Variants in GOLGA2 observed in about 807,000 individuals in gnomAD.
GOLGA2 encodes the protein golgin A2.
A neutral mutation model predicts 148.8 loss-of-function variants in GOLGA2; 49 were observed. That is an observed-to-expected ratio of 0.33 (90% CI 0.26 to 0.42). GOLGA2 has a LOEUF of 0.42. Ranked by LOEUF, GOLGA2 falls within the 10% of genes least tolerant of loss-of-function variation. The pLI is 1.00. For missense variants in GOLGA2, 1,178 were observed against 1,304.6 expected (o/e 0.90, Z 1.49); for synonymous variants, 501 against 511.8 (o/e 0.98, Z 0.28).
In GOLGA2 at chr9:128,260,589, G is replaced by C; in HGVS notation, c.1634C>G (p.Ala545Gly). ...CTCCAGGATTTGCCTGCGCGCCTCC[G>C]CCTGCTCCCCCCAGAGCTCGGCCGC... ...ERAAELWGEQ[A>G]EARRQILETM... The change falls in exon 18 of 27, where the codon GCG becomes GGG. Residue 545 changes from alanine (A) to glycine (G), a missense_variant. By Grantham distance (60) the Ala-to-Gly change is moderately conservative. Coordinates refer to ENST00000611957, the MANE Select transcript of GOLGA2 (RefSeq NM_001366244.2). The surrounding 1 kb of genome is among the most constrained non-coding windows in gnomAD (Gnocchi z 4.8). 3 of 1,611,470 alleles carry C rather than the reference G, an allele frequency of 1.9e-6. No individual in the cohort carries two copies. Among genetic ancestry groups the C allele is most frequent in the Non-Finnish European group, 2.5e-6 (3 of 1,179,942 alleles).
chr9:128,266,941 C>T lies in GOLGA2; in HGVS notation c.642+253G>A. 1 of 576,454 alleles carries T rather than the reference C, an allele frequency of 1.7e-6. No homozygotes were observed. The highest frequency in any genetic ancestry group is 3.1e-6 in the Non-Finnish European group (1 of 320,428). 35.7% of individuals were successfully genotyped at this position (576,454 alleles called of 1,614,324 possible). On this transcript the variant is annotated intron_variant, in intron 8 of 26. Coordinates refer to ENST00000611957, the MANE Select transcript of GOLGA2 (RefSeq NM_001366244.2). The surrounding 1 kb of genome is among the most constrained non-coding windows in gnomAD (Gnocchi z 4.2). ...AGGCTAGCGCTTCCCCAAGAGGCAA[C>T]AACCCCAGGGCGTGTGTGGCAAGGA...
rs981770539 is a variant in GOLGA2 at position 128,273,690 on chromosome 9, C to G, written c.207+160G>C. The stretch of plus-strand genomic sequence containing the variant: ...TGTGAAAAGAGAGGCCCAAAAAGCT[C>G]AAGCAATTTGCCCTAAATCACATCC... On this transcript the variant is annotated intron_variant, in intron 2 of 26. Coordinates refer to ENST00000611957, the MANE Select transcript of GOLGA2 (RefSeq NM_001366244.2). The G allele has an allele frequency of 8.2e-6, 7 of 858,204 alleles. No individual in the cohort carries two copies. In the African/African-American group the frequency reaches 1.2e-4, roughly 15 times the overall value. The allele number at this position is 858,204 out of a possible 1,614,324, so 53.2% of individuals were successfully genotyped here.
chr9:128,262,963 C>G, intron 13 of GOLGA2, 71 bp downstream of exon 13: 1 of 1,037,872 alleles, frequency 9.6e-7, no homozygotes, highest in Non-Finnish European at 1.5e-6. Flanking sequence ...CTTACCTGTA[C>G]CCCCCACCTC....
In GOLGA2 at chr9:128,266,454, G is replaced by T; in HGVS notation, c.643-129C>A. ...AAGTTCTCAGACCCAATGGGAACACGAACTGGTAAACTCTCCTCAGGCTCT... is the reference window on the plus strand; with the variant it reads ...AAGTTCTCAGACCCAATGGGAACACTAACTGGTAAACTCTCCTCAGGCTCT... On this transcript the variant is annotated intron_variant, in intron 8 of 26. Coordinates refer to ENST00000611957, the MANE Select transcript of GOLGA2 (RefSeq NM_001366244.2). This position sits in a 1 kb window ranked among gnomAD's most constrained non-coding sequence, Gnocchi z 4.2. 1 of 761,534 alleles carries T rather than the reference G, an allele frequency of 1.3e-6. No individual in the cohort carries two copies. Among genetic ancestry groups the T allele is most frequent in the South Asian group, 1.5e-5 (1 of 65,086 alleles). The allele number at this position is 761,534 out of a possible 1,614,324, so 47.2% of individuals were successfully genotyped here. A position where few individuals can be genotyped will look rare whatever the true frequency, so the allele number is the denominator to read the frequency against.
rs751828552 is a variant in GOLGA2 at position 128,261,514 on chromosome 9, C to T, written c.1272G>A (p.Ala424=). The T allele has an allele frequency of 5.0e-5, 80 of 1,611,834 alleles. No individual in the cohort carries two copies. In the Admixed American group the frequency reaches 7.5e-4, roughly 15 times the overall value. The change falls in exon 16 of 27, where the codon GCG becomes GCA. Residue 424 remains alanine (A), a synonymous_variant. Transcript: ENST00000611957. This position sits in a 1 kb window ranked among gnomAD's most constrained non-coding sequence, Gnocchi z 5.7. ...RQLQMERDKY[A]ENLKGESAMW... ...TGGCGCTCTCTCCTTTGAGATTCTCCGCATATTTATCTCTCTCCATTTGTA... is the reference window on the plus strand; with the variant it reads ...TGGCGCTCTCTCCTTTGAGATTCTCTGCATATTTATCTCTCTCCATTTGTA...
chr9:128,273,198 A>G (rs1240897612), intron 2 of GOLGA2, among the ~76,000 whole-genome samples: 1 of 152,018 alleles, frequency 6.6e-6, no homozygotes, highest in Non-Finnish European at 1.5e-5. Flanking sequence ...ACAAACCTCC[A>G]CCTCCATTTT....
At chr9:128,275,800 T>A (rs1435401046) in intron 1 of GOLGA2, 93 bp downstream of exon 1, 4 of 688,640 alleles carry the variant, frequency 5.8e-6, no homozygotes, top group Non-Finnish European at 9.6e-6. Flanking sequence ...CCCAGCCCGG[T>A]GTGCCTCAGG....
chr9:128,266,266 C>A lies in GOLGA2; in HGVS notation c.681+21G>T. ...CCAAACCCAGCAGTCATGTTGTGAG[C>A]AAACAAAGAAATCACGTTACTTCTT... is the stretch of plus-strand genomic sequence containing the variant. On this transcript the variant is annotated intron_variant, in intron 9 of 26. Coordinates refer to ENST00000611957, the MANE Select transcript of GOLGA2 (RefSeq NM_001366244.2). This position sits in a 1 kb window ranked among gnomAD's most constrained non-coding sequence, Gnocchi z 4.2. 1 of 1,602,880 alleles carries A rather than the reference C, an allele frequency of 6.2e-7. No homozygotes were observed. The highest frequency in any genetic ancestry group is 8.5e-7 in the Non-Finnish European group (1 of 1,170,120).
chr9:128,260,012 C>T lies in GOLGA2; in HGVS notation c.1872+64G>A. On this transcript the variant is annotated intron_variant, in intron 19 of 26. Coordinates refer to ENST00000611957, the MANE Select transcript of GOLGA2 (RefSeq NM_001366244.2). The surrounding 1 kb of genome is among the most constrained non-coding windows in gnomAD (Gnocchi z 4.8). ...CCCAGGCTGGAGCTGCCTCTGGCCT[C>T]ACACCACCCCTCCCCAGAGGCTGGT... 1 of 1,185,358 alleles carries T rather than the reference C, an allele frequency of 8.4e-7. No individual in the cohort carries two copies. The highest frequency in any genetic ancestry group is 1.7e-5 in the Admixed American group (1 of 59,356). The allele number at this position is 1,185,358 out of a possible 1,614,324, so 73.4% of individuals were successfully genotyped here.
intron 14 of GOLGA2, among the ~76,000 whole-genome samples, chr9:128,262,141 CAGTA>C (rs1469750823): frequency 1.4e-5 from 2 of 147,972 alleles, no homozygotes; most frequent in Admixed American, 6.8e-5. Flanking sequence ...GTAGAGGTTG[CAGTA>C]AGTATCACTC....
chr9:128,267,901 C>G (rs747375800), intron 6 of GOLGA2, 33 bp downstream of exon 6: 9 of 1,534,498 alleles, frequency 5.9e-6, no homozygotes, highest in Admixed American at 3.3e-5. Context: ...TCCCTTCCCC[C>G]CACCCCGCTC....
At position 128,257,639 on chromosome 9, in the gene GOLGA2, ACTC is replaced by A; in HGVS notation, c.2677_2679del (p.Glu893del). The stretch of plus-strand genomic sequence containing the variant: ...TTGTCTTGGGCCAGCCTGCTGATGT[ACTC>A]CTCCTTCTCCCGGTGCCGCTCCTTC... On this transcript the variant is annotated inframe_deletion, in exon 25 of 27. Transcript: ENST00000611957. This position sits in a 1 kb window ranked among gnomAD's most constrained non-coding sequence, Gnocchi z 8.0. 3 of 1,612,760 alleles carry A rather than the reference ACTC, an allele frequency of 1.9e-6. No homozygotes were observed. Among genetic ancestry groups the A allele is most frequent in the African/African-American group, 1.3e-5 (1 of 74,512 alleles).
At position 128,261,616 on chromosome 9, in the gene GOLGA2, C is replaced by T. The variant is rs182721117; in HGVS notation, c.1224+52G>A. On this transcript the variant is annotated intron_variant, in intron 15 of 26. Transcript: ENST00000611957. This position sits in a 1 kb window ranked among gnomAD's most constrained non-coding sequence, Gnocchi z 5.7. The stretch of plus-strand genomic sequence containing the variant: ...GACTGTCACTGGTTGTCACCTACTC[C>T]TGGCCACCTGGGGTCATCTTCCTTC... 113 of 1,520,380 alleles carry T rather than the reference C, an allele frequency of 7.4e-5. No homozygotes were observed. The East Asian group carries it at 2.4e-3, about 32-fold the overall frequency. The allele number at this position is 1,520,380 out of a possible 1,614,324, so 94.2% of individuals were successfully genotyped here. A position where few individuals can be genotyped will look rare whatever the true frequency, so the allele number is the denominator to read the frequency against.
chr9:128,273,814 C>T, intron 2 of GOLGA2, 36 bp downstream of exon 2: 1 of 1,610,412 alleles, frequency 6.2e-7, no homozygotes, highest in Non-Finnish European at 8.5e-7. Flanking sequence ...CCCCTTGGGC[C>T]CCCTGTCCCC....
At position 128,265,965 on chromosome 9, in the gene GOLGA2, C is replaced by T. The variant is rs1830572606; in HGVS notation, c.732+5G>A. The T allele has an allele frequency of 1.9e-6, 3 of 1,612,388 alleles. No homozygotes were observed. The highest frequency in any genetic ancestry group is 1.7e-6 in the Non-Finnish European group (2 of 1,178,446). ...ACAGGACGGAACTTCACACCCTCCA[C>T]TCACCTGTAACTGCTCCCTTAGGGC... On this transcript the variant is annotated splice_donor_5th_base_variant and intron_variant, in intron 10 of 26. Transcript: ENST00000611957.
intron 4 of GOLGA2, 90 bp downstream of exon 4, chr9:128,268,330 T>C (rs778390334): frequency 4.9e-5 from 51 of 1,034,960 alleles, no homozygotes; most frequent in Non-Finnish European, 7.4e-5. Flanking sequence ...GAAGGGCCCT[T>C]GACCCTAGGG....
Position 128,260,813 on chromosome 9 carries a change from A to G in GOLGA2, c.1421-11T>C. Reference sequence around the variant, plus strand: ...GGGGCGGGGGTTCAGCTGAGAAAGGACGCAGACAATAAAAGCCTCTGGATT... The same window carrying G: ...GGGGCGGGGGTTCAGCTGAGAAAGGGCGCAGACAATAAAAGCCTCTGGATT... On this transcript the variant is annotated splice_polypyrimidine_tract_variant and intron_variant, in intron 17 of 26. Transcript: ENST00000611957. This position sits in a 1 kb window ranked among gnomAD's most constrained non-coding sequence, Gnocchi z 4.8. 1 of 1,567,290 alleles carries G rather than the reference A, an allele frequency of 6.4e-7. No individual in the cohort carries two copies. The highest frequency in any genetic ancestry group is 8.7e-7 in the Non-Finnish European group (1 of 1,148,370).
At position 128,266,270 on chromosome 9, in the gene GOLGA2, CAA is replaced by C. The variant is rs1161978216; in HGVS notation, c.681+15_681+16del. 13 of 1,606,342 alleles carry C rather than the reference CAA, an allele frequency of 8.1e-6. No homozygotes were observed. The highest frequency in any genetic ancestry group is 1.1e-5 in the Non-Finnish European group (13 of 1,173,294). On this transcript the variant is annotated intron_variant, in intron 9 of 26. Transcript: ENST00000611957. This position sits in a 1 kb window ranked among gnomAD's most constrained non-coding sequence, Gnocchi z 4.2. ...ACCCAGCAGTCATGTTGTGAGCAAACAAAGAAATCACGTTACTTCTTCCAACT... is the reference window on the plus strand; with the variant it reads ...ACCCAGCAGTCATGTTGTGAGCAAACAGAAATCACGTTACTTCTTCCAACT...
chr9:128,261,047 G>T lies in GOLGA2; in HGVS notation c.1420+125C>A. On this transcript the variant is annotated intron_variant, in intron 17 of 26. Coordinates refer to ENST00000611957, the MANE Select transcript of GOLGA2 (RefSeq NM_001366244.2). The surrounding 1 kb of genome is among the most constrained non-coding windows in gnomAD (Gnocchi z 5.7). Reference sequence around the variant, plus strand: ...GAGATGACGAGACTTGCCATCTCCTGGCACAGACCTCTTTCCCTCTGCCTC... The same window carrying T: ...GAGATGACGAGACTTGCCATCTCCTTGCACAGACCTCTTTCCCTCTGCCTC... 1.3e-6 allele frequency: 1 copy of T among 779,262 alleles called. No homozygotes were observed. The allele number at this position is 779,262 out of a possible 1,614,324, so 48.3% of individuals were successfully genotyped here. A position where few individuals can be genotyped will look rare whatever the true frequency, so the allele number is the denominator to read the frequency against.
Sources: gnomAD v4.1 joint callset for allele counts (sites outside exome capture counted in the v4.1 genomes callset) on GRCh38, gnomAD v4.1.1 for gene constraint, Gnocchi (gnomAD v3.1) non-coding constraint, MANE v1.5 for transcripts, NCBI Gene and HGNC (gene_info 2026-07-23, HGNC 2026-07-21) for gene names.